The following PCDHGA4 variants were observed in gnomAD, a reference collection of about 807,000 sequenced individuals.
PCDHGA4 encodes protocadherin gamma subfamily A, 4, also known as protocadherin gamma-A4.
A neutral mutation model predicts 54.6 loss-of-function variants in PCDHGA4; 38 were observed. The ratio of observed to expected loss-of-function variants is 0.70; its 90% CI spans 0.54 to 0.91. PCDHGA4 has a LOEUF of 0.91. PCDHGA4 is among the 40% of genes least tolerant of loss of function. The pLI is 0.00. For synonymous variants in PCDHGA4, 511 were observed against 512.9 expected (o/e 1.00, Z 0.05); for missense variants, 1,298 against 1,220.9 (o/e 1.06, Z -0.94).
intron 1 of PCDHGA4, chr5:141,377,664 C>T (rs1042522537): frequency 6.6e-6 from 1 of 151,600 alleles, no homozygotes; most frequent in South Asian, 2.1e-4. Context: ...AAACGACAGA[C>T]GTTCATACAA....
intron 1 of PCDHGA4, chr5:141,384,826 G>T: frequency 6.2e-7 from 1 of 1,613,472 alleles, no homozygotes; most frequent in Non-Finnish European, 8.5e-7. Context: ...GCAGAGCCTC[G>T]TGGTGGCCGT....
At chr5:141,382,592 A>G (rs1264942970) in intron 1 of PCDHGA4, 1 of 246,462 alleles carries the variant, frequency 4.1e-6, no homozygotes, top group Admixed American at 5.4e-5. Context: ...TTGAAAGATG[A>G]AACAATTTTC....
chr5:141,436,383 G>A (rs1374382672), intron 1 of PCDHGA4, among the ~76,000 whole-genome samples: 1 of 152,104 alleles, frequency 6.6e-6, no homozygotes, highest in Admixed American at 6.5e-5. Flanking sequence ...AGCTGAATAG[G>A]CTTTATTAAA....
rs536041905 is a variant in PCDHGA4, at chr5:141,376,529, C to T, written c.2514+18908C>T. The T allele has an allele frequency of 9.9e-6, 16 of 1,613,656 alleles. No homozygotes were observed. The African/African-American group carries it at 2.0e-4, about 20-fold the overall frequency. ...TCAGGTGAGTTTCTTTCCGCCTAAG[C>T]GGGAAGAGTAATCTGATCTTCCCGC... is the stretch of plus-strand genomic sequence containing the variant. On this transcript the variant is annotated intron_variant, in intron 1 of 3. Transcript: ENST00000571252.
At chr5:141,460,465 AAAGG>A (rs2098989932) in intron 1 of PCDHGA4, among the ~76,000 whole-genome samples, 1 of 152,088 alleles carries the variant, frequency 6.6e-6, no homozygotes, top group Non-Finnish European at 1.5e-5. Context: ...ATTTTTTTCC[AAAGG>A]AATATCCAAT....
At chr5:141,484,626 C>T (rs1306600907) in intron 1 of PCDHGA4, among the ~76,000 whole-genome samples, 1 of 151,972 alleles carries the variant, frequency 6.6e-6, no homozygotes, top group African/African-American at 2.4e-5. Context: ...CTGGCTTGAA[C>T]AAAGTGACCA....
rs746309479 is a variant in PCDHGA4, at chr5:141,389,523, C to T, written c.2514+31902C>T. 36 of 1,613,164 alleles carry T rather than the reference C, an allele frequency of 2.2e-5. No homozygotes were observed. Among genetic ancestry groups the T allele is most frequent in the East Asian group, 4.5e-5 (2 of 44,878 alleles). On this transcript the variant is annotated intron_variant, in intron 1 of 3. Coordinates refer to ENST00000571252, the MANE Select transcript of PCDHGA4 (RefSeq NM_018917.4). ...AGCGCTCAGCGCGAACGTGAGCCTG[C>T]GCGTGTTAGTGGACGACCGCAACGA...
rs543908773 is a variant in PCDHGA4, at chr5:141,400,145, A to G, written c.2514+42524A>G. ...CAGGAGGTGCTGCCGGATATCACTG[A>G]CCGCCCTGTACCCTCTGACCCCCAG... On this transcript the variant is annotated intron_variant, in intron 1 of 3. Coordinates refer to ENST00000571252, the MANE Select transcript of PCDHGA4 (RefSeq NM_018917.4). The G allele has an allele frequency of 4.1e-5, 66 of 1,613,312 alleles. No individual in the cohort carries two copies. The South Asian group carries it at 5.4e-4, about 13-fold the overall frequency.
intron 2 of PCDHGA4, among the ~76,000 whole-genome samples, chr5:141,500,614 C>T (rs1300242596): frequency 1.3e-5 from 2 of 152,204 alleles, no homozygotes; most frequent in African/African-American, 4.8e-5. Context: ...TATTCCCAGT[C>T]ATACGGTACA....
In PCDHGA4 at chr5:141,477,029, A is replaced by C; in HGVS notation, c.2515-17778A>C. 6.2e-7 allele frequency: 1 copy of C among 1,614,238 alleles called. No homozygotes were observed. The highest frequency in any genetic ancestry group is 8.5e-7 in the Non-Finnish European group (1 of 1,180,040). Reference sequence around the variant, plus strand: ...CTTAGACCTTGTAACCGGGATGCTGACAATCAAGGGTCGGCTGGACTTCGA... The same window carrying C: ...CTTAGACCTTGTAACCGGGATGCTGCCAATCAAGGGTCGGCTGGACTTCGA... On this transcript the variant is annotated intron_variant, in intron 1 of 3. Transcript: ENST00000571252. This position sits in a 1 kb window ranked among gnomAD's most constrained non-coding sequence, Gnocchi z 4.9.
At chr5:141,394,195 T>A (rs930890690) in intron 1 of PCDHGA4, 1 of 1,613,768 alleles carries the variant, frequency 6.2e-7, no homozygotes, top group Non-Finnish European at 8.5e-7. Context: ...TCAGCGTATA[T>A]CCTAGAGAAC....
In PCDHGA4 at chr5:141,374,216, G is replaced by A. The variant is rs745786041; in HGVS notation, c.2514+16595G>A. On this transcript the variant is annotated intron_variant, in intron 1 of 3. Transcript: ENST00000571252. The stretch of plus-strand genomic sequence containing the variant: ...CGAGGAGCTGGAGAAAGGCTCCTTC[G>A]TAGGCAACATCGTCAAGGATCTGGG... The A allele has an allele frequency of 5.6e-6, 9 of 1,613,860 alleles. No individual in the cohort carries two copies. In the South Asian group the frequency reaches 7.7e-5, roughly 14 times the overall value.
chr5:141,375,603 T>C, intron 1 of PCDHGA4: 4 of 1,614,158 alleles, frequency 2.5e-6, no homozygotes, highest in South Asian at 1.1e-5. Flanking sequence ...TACGTGTCCA[T>C]CAACTCCGAC....
chr5:141,366,418 A>G (rs371439517), intron 1 of PCDHGA4: 439 of 1,613,988 alleles, frequency 2.7e-4, no homozygotes, highest in East Asian at 7.4e-4. Context: ...TTGTGGTGGC[A>G]GTGGCTGCAG....
At position 141,477,115 on chromosome 5, in the gene PCDHGA4, A is replaced by T. The variant is rs1218111107; in HGVS notation, c.2515-17692A>T. On this transcript the variant is annotated intron_variant, in intron 1 of 3. Coordinates refer to ENST00000571252, the MANE Select transcript of PCDHGA4 (RefSeq NM_018917.4). The surrounding 1 kb of genome is among the most constrained non-coding windows in gnomAD (Gnocchi z 4.9). Reference sequence around the variant, plus strand: ...AAGACAAGGGCGCCAATCCCGAAGGAGCACATTGCAAAGTGTTGGTGGAGG... The same window carrying T: ...AAGACAAGGGCGCCAATCCCGAAGGTGCACATTGCAAAGTGTTGGTGGAGG... The T allele has an allele frequency of 6.2e-7, 1 of 1,614,230 alleles. No individual in the cohort carries two copies. Among genetic ancestry groups the T allele is most frequent in the Non-Finnish European group, 8.5e-7 (1 of 1,180,038 alleles).
At chr5:141,433,360 T>C (rs1313053553) in intron 1 of PCDHGA4, 46 of 298,056 alleles carry the variant, frequency 1.5e-4, no homozygotes, top group Non-Finnish European at 2.5e-4. Context: ...ACTGTCTGCC[T>C]ATCTATCTAT....
In PCDHGA4 at chr5:141,486,805, C is replaced by A; in HGVS notation, c.2515-8002C>A. On this transcript the variant is annotated intron_variant, in intron 1 of 3. Transcript: ENST00000571252. The surrounding 1 kb of genome is among the most constrained non-coding windows in gnomAD (Gnocchi z 5.0). ...AGGCCCGGGATCGGGGCAACCCACC[C>A]CTTAGCAGCACTGTAACAGTTCGTC... 1.2e-6 allele frequency: 2 copies of A among 1,614,242 alleles called. No homozygotes were observed. Among genetic ancestry groups the A allele is most frequent in the Admixed American group, 1.7e-5 (1 of 60,034 alleles).
In PCDHGA4 at chr5:141,476,575, C is replaced by A; in HGVS notation, c.2515-18232C>A. 6 of 1,614,232 alleles carry A rather than the reference C, an allele frequency of 3.7e-6. No homozygotes were observed. The highest frequency in any genetic ancestry group is 5.1e-6 in the Non-Finnish European group (6 of 1,180,042). The stretch of plus-strand genomic sequence containing the variant: ...GCGAGGCCGTGGCTCCGGGGACGCG[C>A]TTTCCGCTCGAGAGCGCGCACGATC... On this transcript the variant is annotated intron_variant, in intron 1 of 3. Transcript: ENST00000571252. This position sits in a 1 kb window ranked among gnomAD's most constrained non-coding sequence, Gnocchi z 7.6.
At chr5:141,505,344 AGCT>A in intron 2 of PCDHGA4, 46 bp from the exon 3 acceptor site, 1 of 1,613,046 alleles carries the variant, frequency 6.2e-7, no homozygotes, top group South Asian at 1.1e-5. Flanking sequence ...GAGGGGCATG[AGCT>A]GTGCCGGCCT....
Sources: gnomAD v4.1 joint callset for allele counts (sites outside exome capture counted in the v4.1 genomes callset) on GRCh38, gnomAD v4.1.1 for gene constraint, Gnocchi (gnomAD v3.1) non-coding constraint, MANE v1.5 for transcripts, NCBI Gene and HGNC (gene_info 2026-07-23, HGNC 2026-07-21) for gene names.